SESTD1: variants seen among roughly 807,000 people sequenced by gnomAD.
SESTD1 encodes SEC14 domain and spectrin repeat-containing protein 1.
A neutral mutation model predicts 101.7 loss-of-function variants in SESTD1; 43 were observed. The ratio of observed to expected loss-of-function variants is 0.42; its 90% CI spans 0.33 to 0.55. The LOEUF (loss-of-function observed/expected upper bound fraction) is 0.55. Ranked by LOEUF, SESTD1 falls within the 20% of genes least tolerant of loss-of-function variation. The pLI is 0.07. For synonymous variants in SESTD1, 283 were observed against 286.8 expected (o/e 0.99, Z 0.13); for missense variants, 647 against 815.1 (o/e 0.79, Z 2.51).
Position 179,183,174 on chromosome 2 carries a change from G to A in SESTD1, c.70C>T (p.Arg24Trp), listed in dbSNP as rs1383284955. ...GGAATTGTCAAAATGAGGCCACTCC[G>A]TCTGTCTTTTCCTCCTATTAAAAAA... The part of the protein sequence containing the change: ...LAFLSGGKDR[R>W]SGLILTIPLC... The change falls in exon 3 of 18, where the codon CGG (arginine) becomes TGG (tryptophan). Residue 24 changes from arginine to tryptophan, a missense_variant. Arg to Trp is a moderately radical substitution (Grantham distance 101, BLOSUM62 -3). Around this residue, in one of 3 missense-constraint regions of SESTD1, gnomAD observed 168 missense variants for 235.1 expected, o/e 0.71. Transcript: ENST00000428443. 3.1e-6 allele frequency: 5 copies of A among 1,609,264 alleles called. No homozygotes were observed. Among genetic ancestry groups the A allele is most frequent in the East Asian group, 4.5e-5 (2 of 44,688 alleles).
At chr2:179,182,516 G>A (rs1042595745) in intron 3 of SESTD1, among the ~76,000 whole-genome samples, 1 of 152,056 alleles carries the variant, frequency 6.6e-6, no homozygotes, top group Non-Finnish European at 1.5e-5. Context: ...AGAAGCAGAT[G>A]GGGAGGAAGC....
At chr2:179,256,773 C>T (rs1257615511) in intron 1 of SESTD1, among the ~76,000 whole-genome samples, 1 of 140,774 alleles carries the variant, frequency 7.1e-6, no homozygotes, top group Non-Finnish European at 1.5e-5. Flanking sequence ...GATCCTGCCA[C>T]TGAACTCCAG....
chr2:179,160,750 T>C (rs1252473738), intron 5 of SESTD1, among the ~76,000 whole-genome samples: 1 of 152,140 alleles, frequency 6.6e-6, no homozygotes, highest in African/African-American at 2.4e-5. Flanking sequence ...ATTGTGACTC[T>C]CTAAATCACT....
chr2:179,246,254 CAAAAA>C (rs60185738), intron 1 of SESTD1, among the ~76,000 whole-genome samples: 27 of 73,696 alleles, frequency 3.7e-4, no homozygotes, highest in African/African-American at 7.3e-4. Flanking sequence ...GACTCCATCT[CAAAAA>C]AAAAAAAAAA....
In SESTD1 at chr2:179,196,939, C is replaced by T. The variant is rs1033277350; in HGVS notation, c.-25-5073G>A. 1.4e-4 allele frequency among the ~76,000 whole-genome samples: 21 copies of T among 152,328 alleles called. No homozygotes were observed. The Middle Eastern group carries it at 0.01, about 74-fold the overall frequency. ...AAGGAACGCAGTTCCTCAACAACAACGGAACAAAGCTGGACGGAGAATGAT... is the reference window on the plus strand; with the variant it reads ...AAGGAACGCAGTTCCTCAACAACAATGGAACAAAGCTGGACGGAGAATGAT... On this transcript the variant is annotated intron_variant, in intron 1 of 17. Coordinates refer to ENST00000428443, the MANE Select transcript of SESTD1 (RefSeq NM_178123.5).
chr2:179,139,133 T>C (rs1209104633), intron 9 of SESTD1, among the ~76,000 whole-genome samples: 1 of 152,190 alleles, frequency 6.6e-6, no homozygotes, highest in Non-Finnish European at 1.5e-5. Context: ...AATATCTTCC[T>C]TTTAAAGAGC....
intron 1 of SESTD1, among the ~76,000 whole-genome samples, chr2:179,192,196 G>A (rs1272761641): frequency 6.6e-6 from 1 of 152,138 alleles, no homozygotes; most frequent in Non-Finnish European, 1.5e-5. Flanking sequence ...CAATACTCGG[G>A]CTAAAACACT....
At chr2:179,218,546 A>G (rs2046758082) in intron 1 of SESTD1, among the ~76,000 whole-genome samples, 1 of 148,386 alleles carries the variant, frequency 6.7e-6, no homozygotes. Context: ...GTTACCTTCA[A>G]CCAAAAGCAA....
chr2:179,172,132 T>G lies in SESTD1; in HGVS notation c.357A>C (p.Arg119Ser). The G allele has an allele frequency of 6.2e-7, 1 of 1,602,998 alleles. No homozygotes were observed. The highest frequency in any genetic ancestry group is 8.5e-7 in the Non-Finnish European group (1 of 1,171,584). Residue 119 changes from arginine to serine, a missense_variant, in exon 5 of 18, where the codon AGA becomes AGC. Coordinates refer to ENST00000428443, the MANE Select transcript of SESTD1 (RefSeq NM_178123.5). Reference protein sequence around the residue: ...THFCFWKEKDRLGFEVILVSA... With the variant: ...THFCFWKEKDSLGFEVILVSA... ...AGATTACATTTACCTCAAAGCCAAG[T>G]CTATCCTTCTCCTTCCAAAAACAAA... is the stretch of plus-strand genomic sequence containing the variant.
chr2:179,219,413 C>G (rs1163472251), intron 1 of SESTD1, among the ~76,000 whole-genome samples: 1 of 152,336 alleles, frequency 6.6e-6, no homozygotes, highest in East Asian at 1.9e-4. Flanking sequence ...GTAGGGGTAA[C>G]TAAATCATCT....
intron 1 of SESTD1, among the ~76,000 whole-genome samples, chr2:179,241,403 G>A (rs568986393): frequency 0.014 from 2,122 of 152,224 alleles, 47 homozygotes; most frequent in African/African-American, 0.048. Context: ...AAAAATCTGT[G>A]CCAAGTTACA....
intron 1 of SESTD1, among the ~76,000 whole-genome samples, chr2:179,229,606 T>C (rs2046947456): frequency 3.3e-5 from 5 of 151,774 alleles, no homozygotes; most frequent in Admixed American, 3.3e-4. Flanking sequence ...TGGAGAGCCC[T>C]GAGTAATACA....
At chr2:179,183,696 G>A (rs2046158103) in intron 2 of SESTD1, among the ~76,000 whole-genome samples, 1 of 151,926 alleles carries the variant, frequency 6.6e-6, no homozygotes, top group Non-Finnish European at 1.5e-5. Flanking sequence ...AACAGAGCTG[G>A]GGGTATTGGC....
At chr2:179,254,152 TC>T (rs2047358619) in intron 1 of SESTD1, among the ~76,000 whole-genome samples, 1 of 151,896 alleles carries the variant, frequency 6.6e-6, no homozygotes, top group South Asian at 2.1e-4. Context: ...TAATGTATTA[TC>T]TATTCAAAAA....
chr2:179,127,085 T>C (rs543803935), intron 10 of SESTD1, among the ~76,000 whole-genome samples: 2 of 152,388 alleles, frequency 1.3e-5, no homozygotes, highest in South Asian at 4.1e-4. Context: ...TTTCTTTTCA[T>C]GGGCTAAAAG....
rs1002762532 is a variant in SESTD1 at position 179,113,842 on chromosome 2, G to A, written c.1840-997C>T. On this transcript the variant is annotated intron_variant, in intron 16 of 17. Coordinates refer to ENST00000428443, the MANE Select transcript of SESTD1 (RefSeq NM_178123.5). Reference sequence around the variant, plus strand: ...GATCATGCCACTGCACTCCAGCCTGGGCAACAGAGTGAGACTCTGTCTCAA... The same window carrying A: ...GATCATGCCACTGCACTCCAGCCTGAGCAACAGAGTGAGACTCTGTCTCAA... Among the ~76,000 whole-genome samples the A allele has an allele frequency of 9.4e-4, 141 of 150,190 alleles. 1 individual carries two copies. Among genetic ancestry groups the A allele is most frequent in the African/African-American group, 3.2e-3 (129 of 39,996 alleles).
intron 3 of SESTD1, among the ~76,000 whole-genome samples, chr2:179,182,066 T>C (rs966364349): frequency 2.7e-5 from 4 of 150,474 alleles, no homozygotes; most frequent in Non-Finnish European, 5.9e-5. Context: ...TTAAAATCAG[T>C]TGTTTTAACC....
intron 9 of SESTD1, among the ~76,000 whole-genome samples, chr2:179,138,221 G>A (rs530341637): frequency 4.6e-5 from 7 of 152,210 alleles, no homozygotes; most frequent in African/African-American, 1.7e-4. Flanking sequence ...TCCTTACCCA[G>A]TTGAGCTGGT....
rs1275100808 is a variant in SESTD1 at position 179,109,386 on chromosome 2, CTATGA to C, written c.*508_*512del. ...CAAATAGGAAAAGGTCTTTTAATGA[CTATGA>C]TATATCAAAGATCTGAAAGGCTTTC... On this transcript the variant is annotated 3_prime_UTR_variant, in exon 18 of 18. Coordinates refer to ENST00000428443, the MANE Select transcript of SESTD1 (RefSeq NM_178123.5). 2.9e-5 allele frequency: 7 copies of C among 242,276 alleles called. No homozygotes were observed. The highest frequency in any genetic ancestry group is 2.2e-4 in the Admixed American group (4 of 18,174). 15.0% of individuals were successfully genotyped at this position (242,276 alleles called of 1,614,324 possible).
Sources: gnomAD v4.1 joint callset for allele counts (sites outside exome capture counted in the v4.1 genomes callset) on GRCh38, gnomAD v4.1.1 for gene constraint, gnomAD v4.1.1 regional missense constraint, MANE v1.5 for transcripts, NCBI Gene and HGNC (gene_info 2026-07-23, HGNC 2026-07-21) for gene names.